Variants in NRP2 observed in about 807,000 individuals in gnomAD.
NRP2 encodes the protein neuropilin-2.
A neutral mutation model predicts 110.4 loss-of-function variants in NRP2; 52 were observed. That is an observed-to-expected ratio of 0.47 (90% CI 0.38 to 0.59). The LOEUF is 0.59. Ranked by LOEUF, NRP2 falls within the 20% of genes least tolerant of loss-of-function variation. NRP2 has a pLI of 0.00. For synonymous variants in NRP2, 508 were observed against 468.9 expected (o/e 1.08, Z -1.08); for missense variants, 1,049 against 1,203.0 (o/e 0.87, Z 1.89).
intron 2 of NRP2, among the ~76,000 whole-genome samples, chr2:205,711,291 G>A (rs919508186): frequency 1.3e-5 from 2 of 152,190 alleles, no homozygotes; most frequent in East Asian, 1.9e-4. Context: ...TGCCTTCATG[G>A]TGCTTATTGT....
chr2:205,768,766 G>C (rs2057969581), intron 15 of NRP2, among the ~76,000 whole-genome samples: 1 of 152,224 alleles, frequency 6.6e-6, no homozygotes, highest in South Asian at 2.1e-4. Flanking sequence ...AAGTTGCATG[G>C]ATTAGGCCAT....
chr2:205,707,831 C>A (rs1336883756), intron 2 of NRP2, among the ~76,000 whole-genome samples: 2 of 152,100 alleles, frequency 1.3e-5, no homozygotes, highest in Non-Finnish European at 2.9e-5. Flanking sequence ...GTTCACCCTG[C>A]CGAGTAAAGG....
At chr2:205,779,867 A>G (rs1305619191) in intron 15 of NRP2, among the ~76,000 whole-genome samples, 1 of 152,198 alleles carries the variant, frequency 6.6e-6, no homozygotes, top group African/African-American at 2.4e-5. Flanking sequence ...CTGAATGCCA[A>G]CTTTTCCTTC....
intron 2 of NRP2, among the ~76,000 whole-genome samples, chr2:205,711,167 C>A (rs1159420063): frequency 1.3e-5 from 2 of 152,172 alleles, no homozygotes; most frequent in Non-Finnish European, 1.5e-5. Flanking sequence ...GGAACACCAG[C>A]CTGAAGTCCC....
chr2:205,708,441 A>G (rs2056731001), intron 2 of NRP2, among the ~76,000 whole-genome samples: 1 of 152,186 alleles, frequency 6.6e-6, no homozygotes, highest in African/African-American at 2.4e-5. Flanking sequence ...GGACCAGTGC[A>G]GAAGTTGGGG....
intron 10 of NRP2, among the ~76,000 whole-genome samples, chr2:205,749,102 C>T (rs2057593552): frequency 1.3e-5 from 2 of 152,166 alleles, no homozygotes; most frequent in Non-Finnish European, 2.9e-5. Flanking sequence ...CACACTGGGC[C>T]ACCTCCCCTC....
rs770034278 is a variant in NRP2, at chr2:205,745,855, G to C, written c.1751G>C (p.Gly584Ala). 1 of 1,614,126 alleles carries C rather than the reference G, an allele frequency of 6.2e-7. No individual in the cohort carries two copies. Among genetic ancestry groups the C allele is most frequent in the Non-Finnish European group, 8.5e-7 (1 of 1,180,008 alleles). ...GAGAGGTGGTCGCCGGCGGGGATTG[G>C]GATGCGGCTGGAGGTGCTGGGCTGT... ...YPERWSPAGIGMRLEVLGCDW... is the reference protein window; with the variant it reads ...YPERWSPAGIAMRLEVLGCDW... Residue 584 changes from glycine to alanine, a missense_variant, in exon 10 of 17, where the codon GGG becomes GCG. Coordinates refer to ENST00000357785, the MANE Select transcript of NRP2 (RefSeq NM_003872.3).
At chr2:205,713,195 C>T (rs543636142) in intron 2 of NRP2, among the ~76,000 whole-genome samples, 2 of 152,260 alleles carry the variant, frequency 1.3e-5, no homozygotes, top group African/African-American at 4.8e-5. Context: ...CCAGATAAAA[C>T]CCTCTCACTT....
chr2:205,729,297 C>T (rs1209745349), intron 7 of NRP2, among the ~76,000 whole-genome samples: 1 of 152,250 alleles, frequency 6.6e-6, no homozygotes, highest in African/African-American at 2.4e-5. Context: ...CACACACATG[C>T]ACACAATTGC....
In NRP2 at chr2:205,738,774, G is replaced by T. The variant is rs114073503; in HGVS notation, c.1147-1745G>T. Among the ~76,000 whole-genome samples the T allele has an allele frequency of 4.7e-3, 716 of 152,326 alleles. 2 individuals are homozygous for T. Among genetic ancestry groups the T allele is most frequent in the African/African-American group, 0.016 (677 of 41,584 alleles). ...CGGGTGGGAGGACTTCCCAGGGGAG[G>T]AGAGGGAGCAGCAGGCTGGGTGCGC... is the stretch of plus-strand genomic sequence containing the variant. On this transcript the variant is annotated intron_variant, in intron 7 of 16. Transcript: ENST00000357785.
chr2:205,789,055 C>G (rs1575685291), intron 15 of NRP2, among the ~76,000 whole-genome samples: 1 of 152,316 alleles, frequency 6.6e-6, no homozygotes, highest in Non-Finnish European at 1.5e-5. Context: ...CAAAGCCCTA[C>G]TCTATCAAAG....
intron 15 of NRP2, among the ~76,000 whole-genome samples, chr2:205,788,557 G>A (rs2058262289): frequency 6.6e-6 from 1 of 152,102 alleles, no homozygotes; most frequent in South Asian, 2.1e-4. Context: ...CAGGTGCCAT[G>A]TTTGAAAGCA....
At chr2:205,789,670 G>A (rs561669278) in intron 15 of NRP2, among the ~76,000 whole-genome samples, 81 of 152,226 alleles carry the variant, frequency 5.3e-4, no homozygotes, top group Non-Finnish European at 9.3e-4. Flanking sequence ...CCCAGAGGCC[G>A]GTAGCTTTAC....
At chr2:205,731,941 G>A (rs749701182) in intron 7 of NRP2, among the ~76,000 whole-genome samples, 17 of 152,186 alleles carry the variant, frequency 1.1e-4, no homozygotes, top group Non-Finnish European at 2.4e-4. Flanking sequence ...CTGTGGAATT[G>A]AAGCTCTTAG....
chr2:205,773,669 G>A (rs2058056432), intron 15 of NRP2, among the ~76,000 whole-genome samples: 2 of 152,166 alleles, frequency 1.3e-5, no homozygotes, highest in South Asian at 4.1e-4. Flanking sequence ...TCTCCATTGT[G>A]CCCTAACATT....
intron 2 of NRP2, among the ~76,000 whole-genome samples, chr2:205,712,780 G>T (rs2056823024): frequency 6.6e-6 from 1 of 152,172 alleles, no homozygotes; most frequent in Non-Finnish European, 1.5e-5. Context: ...CAGAAGACTG[G>T]AAGTTGGGGG....
At chr2:205,757,252 T>C (rs2105905831) in intron 12 of NRP2, among the ~76,000 whole-genome samples, 1 of 152,254 alleles carries the variant, frequency 6.6e-6, no homozygotes, top group South Asian at 2.1e-4. Flanking sequence ...CAAGCTCAAA[T>C]GGGAGTAAGT....
intron 1 of NRP2, among the ~76,000 whole-genome samples, 192 bp downstream of exon 1, chr2:205,683,555 AGTGTGTGTGTGTGTGT>A (rs60199072): frequency 3.3e-5 from 5 of 150,022 alleles, no homozygotes; most frequent in African/African-American, 9.8e-5. Context: ...TCCTGCTAGG[AGTGTGTGTGTGTGTGT>A]GTGTGTGTGT....
intron 7 of NRP2, 27 bp from the exon 8 acceptor site, chr2:205,740,492 A>G (rs1312730599): frequency 3.7e-6 from 6 of 1,613,916 alleles, no homozygotes; most frequent in Admixed American, 3.3e-5. Flanking sequence ...GGGTTTCAAT[A>G]ACATGGTTTT....
Sources: gnomAD v4.1 joint callset for allele counts (sites outside exome capture counted in the v4.1 genomes callset) on GRCh38, gnomAD v4.1.1 for gene constraint, MANE v1.5 for transcripts, NCBI Gene and HGNC (gene_info 2026-07-23, HGNC 2026-07-21) for gene names.